The following LARGE1 variants were observed in gnomAD, a reference collection of about 807,000 sequenced individuals.
The protein encoded by LARGE1 is LARGE xylosyl- and glucuronyltransferase 1, also known as xylosyl- and glucuronyltransferase LARGE1.
A neutral mutation model predicts 87.6 loss-of-function variants in LARGE1; 43 were observed. That is an observed-to-expected ratio of 0.49 (90% CI 0.38 to 0.63). LARGE1 has a LOEUF of 0.63. Ranked by LOEUF, LARGE1 falls within the 30% of genes least tolerant of loss-of-function variation. The probability of loss-of-function intolerance (pLI) is 0.00; values close to 1 mark genes in which losing one functional copy is unlikely to be tolerated. For missense variants in LARGE1, 802 were observed against 1,000.2 expected (o/e 0.80, Z 2.67); for synonymous variants, 434 against 394.6 (o/e 1.10, Z -1.18).
At chr22:33,241,214 T>C (rs1316714555) in intron 11 of LARGE1, among the ~76,000 whole-genome samples, 1 of 143,906 alleles carries the variant, frequency 6.9e-6, no homozygotes, top group African/African-American at 2.7e-5. Context: ...TGAAGACATA[T>C]GCTCTCTCTC....
At chr22:33,655,415 T>C (rs183988252) in intron 2 of LARGE1, among the ~76,000 whole-genome samples, 14 of 152,302 alleles carry the variant, frequency 9.2e-5, no homozygotes, top group African/African-American at 2.9e-4. Context: ...CTCGAGCCTG[T>C]TGGAATTTGG....
At chr22:33,580,382 A>C (rs2078481694) in intron 5 of LARGE1, among the ~76,000 whole-genome samples, 1 of 151,788 alleles carries the variant, frequency 6.6e-6, no homozygotes. Context: ...AAAAGAAAAA[A>C]AAAAAAGCAG....
intron 6 of LARGE1, among the ~76,000 whole-genome samples, chr22:33,531,344 G>C (rs571796860): frequency 6.3e-4 from 90 of 143,670 alleles, no homozygotes; most frequent in African/African-American, 2.2e-3. Context: ...TTTTAGTAGA[G>C]ACAGGGTTTC....
chr22:33,263,587 G>A (rs919198595), intron 11 of LARGE1, among the ~76,000 whole-genome samples: 7 of 152,244 alleles, frequency 4.6e-5, no homozygotes, highest in Non-Finnish European at 1.0e-4. Flanking sequence ...GGAAAAGGAA[G>A]TCAAGGCCCA....
intron 6 of LARGE1, among the ~76,000 whole-genome samples, chr22:33,433,520 C>T (rs766698336): frequency 8.1e-5 from 12 of 148,144 alleles, no homozygotes; most frequent in Admixed American, 2.1e-4. Flanking sequence ...GGCATGAATC[C>T]GGAAGGCGGA....
intron 12 of LARGE1, among the ~76,000 whole-genome samples, chr22:33,284,583 C>CT (rs112371598): frequency 4.4e-4 from 64 of 144,500 alleles, no homozygotes; most frequent in African/African-American, 7.6e-4. Context: ...TGGCATGAGG[C>CT]TTTTTTTTTT....
chr22:33,701,573 A>G (rs527530882), intron 2 of LARGE1, among the ~76,000 whole-genome samples: 1 of 152,330 alleles, frequency 6.6e-6, no homozygotes, highest in South Asian at 2.1e-4. Flanking sequence ...GAGGCCCCTC[A>G]GTGTCCAATA....
chr22:33,845,923 A>C (rs560497274), intron 1 of LARGE1, among the ~76,000 whole-genome samples: 37 of 152,322 alleles, frequency 2.4e-4, no homozygotes, highest in Non-Finnish European at 4.4e-5. Flanking sequence ...TACCACACTA[A>C]GAAAAGAACA....
chr22:33,447,985 G>A (rs2067756521), intron 6 of LARGE1, among the ~76,000 whole-genome samples: 1 of 152,044 alleles, frequency 6.6e-6, no homozygotes, highest in Non-Finnish European at 1.5e-5. Flanking sequence ...GACACAAAAT[G>A]TCACATATTG....
At chr22:33,825,506 C>T (rs377674459) in intron 1 of LARGE1, among the ~76,000 whole-genome samples, 2 of 151,990 alleles carry the variant, frequency 1.3e-5, no homozygotes. Context: ...GGGAAGCAAA[C>T]ATGTCCTTCT....
At chr22:33,527,785 G>A (rs138867834) in intron 6 of LARGE1, among the ~76,000 whole-genome samples, 3 of 152,246 alleles carry the variant, frequency 2.0e-5, no homozygotes, top group African/African-American at 4.8e-5. Flanking sequence ...GGGGGAGAAA[G>A]GGCCCAGGAG....
At chr22:33,689,926 C>CAA (rs373846525) in intron 2 of LARGE1, among the ~76,000 whole-genome samples, 4 of 138,128 alleles carry the variant, frequency 2.9e-5, no homozygotes, top group African/African-American at 1.1e-4. Context: ...GACTCTGTCT[C>CAA]AAAAAAAAAA....
At chr22:33,325,963 C>A (rs1281528908) in intron 10 of LARGE1, among the ~76,000 whole-genome samples, 2 of 152,170 alleles carry the variant, frequency 1.3e-5, no homozygotes, top group Admixed American at 1.3e-4. Flanking sequence ...TGAAACCTAA[C>A]CCAGAGCTTG....
chr22:33,419,441 T>A (rs186790276), intron 7 of LARGE1, among the ~76,000 whole-genome samples: 1 of 151,998 alleles, frequency 6.6e-6, no homozygotes, highest in Non-Finnish European at 1.5e-5. Flanking sequence ...ATCACCCAAG[T>A]ACACGCCTGC....
chr22:33,337,634 C>T lies in LARGE1; in HGVS notation c.1287+12G>A, dbSNP rs370541163. On this transcript the variant is annotated intron_variant, in intron 10 of 14. Transcript: ENST00000397394. Reference sequence around the variant, plus strand: ...GCCGCCCCTTCCCTGCCCAGCCTTGCGAGCCACTTACGTTTTCACTGTTGA... The same window carrying T: ...GCCGCCCCTTCCCTGCCCAGCCTTGTGAGCCACTTACGTTTTCACTGTTGA... 8.7e-6 allele frequency: 14 copies of T among 1,613,730 alleles called. 1 individual carries two copies. The highest frequency in any genetic ancestry group is 4.5e-5 in the East Asian group (2 of 44,850).
intron 1 of LARGE1, among the ~76,000 whole-genome samples, chr22:33,847,792 G>A (rs751063979): frequency 6.6e-6 from 1 of 152,192 alleles, no homozygotes; most frequent in African/African-American, 2.4e-5. Flanking sequence ...ACTTTGTGTT[G>A]TTTTTGAAAC....
chr22:33,878,491 C>A (rs1027276254), intron 1 of LARGE1, among the ~76,000 whole-genome samples: 2 of 152,116 alleles, frequency 1.3e-5, no homozygotes, highest in African/African-American at 4.8e-5. Flanking sequence ...TTTTCCTAAA[C>A]GAAGGCAATT....
chr22:33,239,262 C>T (rs1452118706), intron 11 of LARGE1, among the ~76,000 whole-genome samples: 1 of 152,068 alleles, frequency 6.6e-6, no homozygotes, highest in Non-Finnish European at 1.5e-5. Context: ...ACACAGTCTA[C>T]TTAAATACAT....
At chr22:33,259,333 CACACACACACACACAA>C (rs1174209794) in intron 11 of LARGE1, among the ~76,000 whole-genome samples, 1 of 150,882 alleles carries the variant, frequency 6.6e-6, no homozygotes, top group Non-Finnish European at 1.5e-5. Context: ...CACACACACA[CACACACACACACACAA>C]ACACACACAT....
Sources: gnomAD v4.1 joint callset for allele counts (sites outside exome capture counted in the v4.1 genomes callset) on GRCh38, gnomAD v4.1.1 for gene constraint, MANE v1.5 for transcripts, NCBI Gene and HGNC (gene_info 2026-07-23, HGNC 2026-07-21) for gene names.